The following MYLK4 variants were observed in gnomAD, a reference collection of about 807,000 sequenced individuals.
MYLK4 encodes caMLCK like.
A neutral mutation model predicts 48.1 loss-of-function variants in MYLK4; 46 were observed. That is an observed-to-expected ratio of 0.96 (90% CI 0.75 to 1.22). The LOEUF is 1.22. MYLK4 is among the 50% of genes most tolerant of loss of function. The probability of loss-of-function intolerance (pLI) is 0.00; values close to 1 mark genes in which losing one functional copy is unlikely to be tolerated. For missense variants in MYLK4, 451 were observed against 486.1 expected, an observed-to-expected ratio of 0.93 and a Z score of 0.68; for synonymous variants, 170 against 180.8, an observed-to-expected ratio of 0.94 and a Z score of 0.48.
chr6:2,724,417 G>C (rs181742814), intron 2 of MYLK4, among the ~76,000 whole-genome samples: 1 of 152,188 alleles, frequency 6.6e-6, no homozygotes, highest in Admixed American at 6.5e-5. Context: ...AACTGGATCC[G>C]GCCAGGGAGA....
chr6:2,679,449 T>C, intron 8 of MYLK4, 41 bp from the exon 9 acceptor site: 1 of 1,612,770 alleles, frequency 6.2e-7, no homozygotes, highest in Non-Finnish European at 8.5e-7. Flanking sequence ...GACGTGTCGA[T>C]CAAAAATCGT....
the MYLK4 span, among the ~76,000 whole-genome samples, chr6:2,764,827 G>C: frequency 6.6e-6 from 1 of 152,132 alleles, no homozygotes; most frequent in Non-Finnish European, 1.5e-5. Flanking sequence ...GGCGAGGGAC[G>C]CTTTATTTTC....
At chr6:2,684,008 G>T (rs1310532951) in intron 6 of MYLK4, among the ~76,000 whole-genome samples, 1 of 152,180 alleles carries the variant, frequency 6.6e-6, no homozygotes, top group Non-Finnish European at 1.5e-5. Flanking sequence ...TATATACTAT[G>T]TTATTTCCTA....
the MYLK4 span, among the ~76,000 whole-genome samples, chr6:2,763,736 G>A: frequency 3.9e-5 from 6 of 152,248 alleles, no homozygotes; most frequent in South Asian, 2.1e-4. Context: ...GCAGGCTGAA[G>A]GGTTTCGCAA....
At chr6:2,669,485 A>T (rs1223413161) in intron 12 of MYLK4, among the ~76,000 whole-genome samples, 4 of 152,176 alleles carry the variant, frequency 2.6e-5, no homozygotes, top group Non-Finnish European at 5.9e-5. Context: ...CCTGGCACCC[A>T]GTGAATTCAT....
intron 2 of MYLK4, among the ~76,000 whole-genome samples, chr6:2,710,869 G>A (rs1469419816): frequency 3.3e-5 from 5 of 152,230 alleles, no homozygotes. Flanking sequence ...CTGTCTTACA[G>A]TAGCTTATAC....
At chr6:2,723,871 T>C (rs1400329304) in intron 2 of MYLK4, among the ~76,000 whole-genome samples, 1 of 152,048 alleles carries the variant, frequency 6.6e-6, no homozygotes, top group East Asian at 1.9e-4. Context: ...TATTTTATTT[T>C]ATTTTATTTT....
rs148569429 is a variant in MYLK4, at chr6:2,691,415, T to C, written c.235+1369A>G. ...TTTTGGTTCCAAATAGATACTGTGA[T>C]ATGTGATTACTCATAACTTAGAGTA... On this transcript the variant is annotated intron_variant, in intron 3 of 12. Transcript: ENST00000274643. Among the ~76,000 whole-genome samples the C allele has an allele frequency of 2.4e-3, 362 of 152,358 alleles. 3 individuals carry two copies. The highest frequency in any genetic ancestry group is 8.2e-3 in the African/African-American group (339 of 41,586).
At chr6:2,692,696 T>C (rs1254888023) in intron 3 of MYLK4, 88 bp downstream of exon 3, 1 of 1,151,028 alleles carries the variant, frequency 8.7e-7, no homozygotes, top group Non-Finnish European at 1.2e-6. Context: ...CAGGGCTTTA[T>C]GAATGTGCAA....
rs1761400016 is a variant in MYLK4 at position 2,683,394 on chromosome 6, TGTG to T, written c.546-235_546-233del. ...CTCAAGCCAACTCCCCACCTTTTTG[TGTG>T]TGTGTGTGTGTGTGTGTGTGTGTGT... On this transcript the variant is annotated intron_variant, in intron 6 of 12. Transcript: ENST00000274643. Among the ~76,000 whole-genome samples the T allele has an allele frequency of 1.2e-4, 9 of 78,186 alleles. 1 individual carries two copies. The highest frequency in any genetic ancestry group is 4.8e-4 in the South Asian group (1 of 2,086). 51.3% of individuals were successfully genotyped at this position (78,186 alleles called of 152,430 possible).
chr6:2,718,491 C>T (rs1045069332), intron 2 of MYLK4, among the ~76,000 whole-genome samples: 3 of 152,230 alleles, frequency 2.0e-5, no homozygotes, highest in Admixed American at 6.5e-5. Flanking sequence ...AAGGAAAACT[C>T]TTTGCCCTTC....
At chr6:2,744,281 G>T (rs1763996871) in intron 2 of MYLK4, 1 of 342,718 alleles carries the variant, frequency 2.9e-6, no homozygotes, top group East Asian at 4.4e-5. Flanking sequence ...AGGTGTAGGG[G>T]CATTGGGAGA....
intron 11 of MYLK4, among the ~76,000 whole-genome samples, chr6:2,671,565 C>T (rs542677942): frequency 3.2e-4 from 49 of 152,290 alleles, no homozygotes; most frequent in Non-Finnish European, 5.7e-4. Context: ...CCCTGTCACA[C>T]GACCCTTCCT....
chr6:2,705,495 T>A (rs947150066), intron 2 of MYLK4, among the ~76,000 whole-genome samples: 1 of 152,230 alleles, frequency 6.6e-6, no homozygotes, highest in African/African-American at 2.4e-5. Flanking sequence ...CAGTCATCCA[T>A]GGCAATGAGC....
chr6:2,694,591 T>C lies in MYLK4; in HGVS notation c.160-1732A>G, dbSNP rs1157042244. 9.7e-5 allele frequency among the ~76,000 whole-genome samples: 14 copies of C among 144,990 alleles called. No individual in the cohort carries two copies. The East Asian group carries it at 1.8e-3, about 19-fold the overall frequency. ...GTGGTAGTGCTGCTGGTGGTGGTGG[T>C]GGTGGTGGTGGTGATGATTGTAGTG... On this transcript the variant is annotated intron_variant, in intron 2 of 12. Transcript: ENST00000274643.
chr6:2,697,495 G>A (rs967111854), intron 2 of MYLK4, among the ~76,000 whole-genome samples: 6 of 152,250 alleles, frequency 3.9e-5, no homozygotes, highest in South Asian at 2.1e-4. Context: ...TCGGTCCACA[G>A]GCGTGTGCCG....
chr6:2,768,194 G>A, the MYLK4 span, among the ~76,000 whole-genome samples: 1 of 152,198 alleles, frequency 6.6e-6, no homozygotes, highest in Non-Finnish European at 1.5e-5. Flanking sequence ...AATGCTAGGT[G>A]GATGTCATTG....
At chr6:2,674,712 A>C (rs1475338185) in intron 11 of MYLK4, among the ~76,000 whole-genome samples, 1 of 152,106 alleles carries the variant, frequency 6.6e-6, no homozygotes, top group Non-Finnish European at 1.5e-5. Context: ...TTTCCACTAA[A>C]ACTACAAAAT....
Position 2,750,799 on chromosome 6 carries a change from TAA to T in MYLK4, c.-178_-177del, listed in dbSNP as rs1347293241. On this transcript the variant is annotated 5_prime_UTR_variant, in exon 1 of 13. Transcript: ENST00000274643. The stretch of plus-strand genomic sequence containing the variant: ...AGTCTAGAGCATACATTCCAGAAGA[TAA>T]AGAGAAATTTTGCAGAATTCAAACT... The T allele has an allele frequency of 6.6e-6, 1 of 152,436 alleles. No homozygotes were observed. Among genetic ancestry groups the T allele is most frequent in the Non-Finnish European group, 1.5e-5 (1 of 68,020 alleles). The allele number at this position is 152,436 out of a possible 1,614,324, so 9.4% of individuals were successfully genotyped here. A position where few individuals can be genotyped will look rare whatever the true frequency, so the allele number is the denominator to read the frequency against.
Sources: allele counts gnomAD v4.1 joint callset (sites outside exome capture counted in the v4.1 genomes callset), GRCh38; gene constraint gnomAD v4.1.1; transcripts MANE v1.5; gene names NCBI Gene and HGNC (gene_info 2026-07-23, HGNC 2026-07-21).